Variants in USP43 observed in about 807,000 individuals in gnomAD.
USP43 encodes ubiquitin specific peptidase 43.
A neutral mutation model predicts 90.7 loss-of-function variants in USP43; 33 were observed. The observed-to-expected ratio is 0.36, with a 90% confidence interval of 0.28 to 0.49. The LOEUF (loss-of-function observed/expected upper bound fraction) is 0.49. USP43 is among the 20% of genes least tolerant of loss of function. The pLI, the probability that USP43 is intolerant of heterozygous loss-of-function variation, is 0.98. For missense variants in USP43, 1,274 were observed against 1,476.4 expected, an observed-to-expected ratio of 0.86 and a Z score of 2.25; for synonymous variants, 598 against 615.8, an observed-to-expected ratio of 0.97 and a Z score of 0.43.
intron 12 of USP43, among the ~76,000 whole-genome samples, chr17:9,708,094 C>T (rs1479696275): frequency 3.9e-5 from 6 of 152,192 alleles, no homozygotes; most frequent in Non-Finnish European, 5.9e-5. Context: ...ATGAGCAGAG[C>T]TCGTAGCATG....
chr17:9,713,158 G>A (rs147089106), intron 14 of USP43, among the ~76,000 whole-genome samples: 6 of 151,918 alleles, frequency 3.9e-5, no homozygotes, highest in Non-Finnish European at 5.9e-5. Context: ...GCATGATCTC[G>A]GCTCACTGCA....
chr17:9,684,335 C>T (rs2151978235), intron 7 of USP43, among the ~76,000 whole-genome samples: 1 of 151,996 alleles, frequency 6.6e-6, no homozygotes, highest in African/African-American at 2.4e-5. Context: ...GATATTTATG[C>T]CATGTGAGAG....
intron 2 of USP43, among the ~76,000 whole-genome samples, chr17:9,665,074 G>A (rs144658970): frequency 2.6e-5 from 4 of 152,288 alleles, no homozygotes; most frequent in African/African-American, 9.6e-5. Flanking sequence ...AAAATATTGT[G>A]TCCCATGTGT....
At chr17:9,663,958 G>A (rs1260340358) in intron 2 of USP43, among the ~76,000 whole-genome samples, 1 of 152,134 alleles carries the variant, frequency 6.6e-6, no homozygotes, top group Non-Finnish European at 1.5e-5. Context: ...GTACCATGCT[G>A]TTCACTGAGC....
rs1474194975 is a variant in USP43 at position 9,727,963 on chromosome 17, A to G, written c.2345A>G (p.Glu782Gly). The G allele has an allele frequency of 3.7e-6, 6 of 1,601,314 alleles. No homozygotes were observed. Among genetic ancestry groups the G allele is most frequent in the Non-Finnish European group, 5.1e-6 (6 of 1,170,916 alleles). Residue 782 changes from glutamate (E) to glycine (G), a missense_variant, in exon 15 of 15, where the codon GAG becomes GGG. This residue lies in a region of USP43 where 285 missense variants were observed against 349.6 expected (regional missense o/e 0.82). Transcript: ENST00000285199. Reference sequence around the variant, plus strand: ...TCTCTGTCTCTTTCAGGAGGGTTGGAGCCCAGGCGTTTGGTACGGGGCGTG... The same window carrying G: ...TCTCTGTCTCTTTCAGGAGGGTTGGGGCCCAGGCGTTTGGTACGGGGCGTG... ...SLCNQEKGGL[E>G]PRRLVRGVKG...
intron 14 of USP43, among the ~76,000 whole-genome samples, chr17:9,724,755 G>T (rs1357799412): frequency 6.6e-6 from 1 of 152,184 alleles, no homozygotes; most frequent in Non-Finnish European, 1.5e-5. Context: ...ATAAAGACAG[G>T]TGCACCATAT....
At chr17:9,670,884 C>A (rs180767962) in intron 3 of USP43, among the ~76,000 whole-genome samples, 1 of 152,098 alleles carries the variant, frequency 6.6e-6, no homozygotes, top group Admixed American at 6.6e-5. Flanking sequence ...GACAAGGTGT[C>A]GTCAGGGATG....
At chr17:9,681,494 A>C (rs1337524649) in intron 6 of USP43, among the ~76,000 whole-genome samples, 1 of 64,646 alleles carries the variant, frequency 1.5e-5, no homozygotes, top group African/African-American at 6.8e-5. Context: ...ATATATATAT[A>C]TATATATATA....
intron 1 of USP43, among the ~76,000 whole-genome samples, chr17:9,654,476 C>T (rs573433127): frequency 3.0e-4 from 46 of 152,024 alleles, no homozygotes; most frequent in African/African-American, 1.1e-3. Flanking sequence ...ATGGTGAAAC[C>T]TCATCTCTAC....
chr17:9,652,245 GA>G (rs930949204), intron 1 of USP43, among the ~76,000 whole-genome samples: 15 of 143,688 alleles, frequency 1.0e-4, no homozygotes, highest in Admixed American at 1.0e-3. Context: ...GAAAAGAAAG[GA>G]AAAAAAAGAT....
chr17:9,718,534 G>A (rs1916740018), intron 14 of USP43, among the ~76,000 whole-genome samples: 1 of 151,826 alleles, frequency 6.6e-6, no homozygotes, highest in African/African-American at 2.4e-5. Context: ...GCATCTTGGA[G>A]TTGTCTGATT....
intron 12 of USP43, among the ~76,000 whole-genome samples, chr17:9,702,515 T>C (rs986627873): frequency 6.6e-6 from 1 of 152,200 alleles, no homozygotes; most frequent in Admixed American, 6.5e-5. Flanking sequence ...TTCTATGGGG[T>C]ACTTTTCATG....
At chr17:9,725,988 C>A (rs1364095577) in intron 14 of USP43, among the ~76,000 whole-genome samples, 1 of 152,140 alleles carries the variant, frequency 6.6e-6, no homozygotes, top group African/African-American at 2.4e-5. Context: ...CAATCTAAAC[C>A]AAAATTACAG....
intron 2 of USP43, among the ~76,000 whole-genome samples, chr17:9,664,548 T>C (rs1912877618): frequency 6.6e-6 from 1 of 152,094 alleles, no homozygotes; most frequent in Non-Finnish European, 1.5e-5. Flanking sequence ...TTAGGAAAAA[T>C]TGTCTAAAAA....
chr17:9,712,207 T>C (rs1343156366), intron 14 of USP43, 75 bp downstream of exon 14: 2 of 1,428,458 alleles, frequency 1.4e-6, no homozygotes, highest in Admixed American at 2.6e-5. Flanking sequence ...ATGAAAGCGC[T>C]GTCACTTCGT....
intron 5 of USP43, among the ~76,000 whole-genome samples, chr17:9,677,847 G>T (rs934224219): frequency 3.3e-5 from 5 of 152,120 alleles, no homozygotes; most frequent in African/African-American, 9.7e-5. Context: ...CTTTCTCTAC[G>T]TTCATAGCTA....
At chr17:9,655,084 G>GAAAAAAAAAAAAAAAAAAA (rs57985388) in intron 1 of USP43, among the ~76,000 whole-genome samples, 2 of 37,326 alleles carry the variant, frequency 5.4e-5, no homozygotes, top group African/African-American at 6.7e-5. Flanking sequence ...AGAAAGAAAG[G>GAAAAAAAAAAAAAAAAAAA]AAAAAAAAAA....
At chr17:9,649,238 C>T (rs1229171586) in intron 1 of USP43, among the ~76,000 whole-genome samples, 3 of 152,006 alleles carry the variant, frequency 2.0e-5, no homozygotes, top group Non-Finnish European at 4.4e-5. Context: ...ACCTGGGAGG[C>T]GGAGGTTGCA....
At position 9,681,465 on chromosome 17, in the gene USP43, TATATA is replaced by T. The variant is rs1914257336; in HGVS notation, c.1105+1100_1105+1104del. Among the ~76,000 whole-genome samples, 348 of 73,002 alleles carry T rather than the reference TATATA, an allele frequency of 4.8e-3. 13 individuals carry two copies. The highest frequency in any genetic ancestry group is 0.013 in the African/African-American group (320 of 25,398). The allele number at this position is 73,002 out of a possible 152,430, so 47.9% of individuals were successfully genotyped here. ...AGATAAATATATATAAAATATATTA[TATATA>T]TATATATATATATATATATATATAT... On this transcript the variant is annotated intron_variant, in intron 6 of 14. Coordinates refer to ENST00000285199, the MANE Select transcript of USP43 (RefSeq NM_153210.5).
Sources: gnomAD v4.1 joint callset for allele counts (sites outside exome capture counted in the v4.1 genomes callset) on GRCh38, gnomAD v4.1.1 for gene constraint, gnomAD v4.1.1 regional missense constraint, MANE v1.5 for transcripts, NCBI Gene and HGNC (gene_info 2026-07-23, HGNC 2026-07-21) for gene names.